Variants in RASSF2 observed in about 807,000 individuals in gnomAD.
RASSF2 encodes the protein ras association domain-containing protein 2.
RASSF2 carries 34 observed loss-of-function variants against 46.3 expected under a neutral mutation model. That is an observed-to-expected ratio of 0.73 (90% CI 0.56 to 0.98). RASSF2 has a LOEUF of 0.98. Ranked by LOEUF, RASSF2 falls within the 50% of genes least tolerant of loss-of-function variation. The pLI is 0.00. For synonymous variants in RASSF2, 158 were observed against 162.5 expected (o/e 0.97, Z 0.21); for missense variants, 364 against 431.2 (o/e 0.84, Z 1.38).
At position 4,783,983 on chromosome 20, in the gene RASSF2, G is replaced by GCACATGGACACGTACCATGTGTGCACA. The variant is rs1375330140; in HGVS notation, c.*263_*289dup. 1.1e-5 allele frequency: 4 copies of GCACATGGACACGTACCATGTGTGCACA among 352,926 alleles called. No individual in the cohort carries two copies. Among genetic ancestry groups the GCACATGGACACGTACCATGTGTGCACA allele is most frequent in the East Asian group, 4.6e-5 (1 of 21,898 alleles). The allele number at this position is 352,926 out of a possible 1,614,324, so 21.9% of individuals were successfully genotyped here. A position where few individuals can be genotyped will look rare whatever the true frequency, so the allele number is the denominator to read the frequency against. ...AATTACATGTGAAAGTATCAGGTAG[G>GCACATGGACACGTACCATGTGTGCACA]CACATGGACACGTACCATGTGTGCA... On this transcript the variant is annotated 3_prime_UTR_variant, in exon 12 of 12. Coordinates refer to ENST00000379400, the MANE Select transcript of RASSF2 (RefSeq NM_014737.3).
chr20:4,816,528 A>G (rs1281651996), intron 2 of RASSF2, among the ~76,000 whole-genome samples: 3 of 152,206 alleles, frequency 2.0e-5, no homozygotes, highest in Admixed American at 6.5e-5. Context: ...AGTTCTGGAC[A>G]TGGATAATGG....
chr20:4,813,278 AGGGCCATGCT>A (rs1257417770), intron 2 of RASSF2, among the ~76,000 whole-genome samples: 4 of 152,068 alleles, frequency 2.6e-5, no homozygotes, highest in Non-Finnish European at 5.9e-5. Context: ...AAACACAGCA[AGGGCCATGCT>A]GGGGTTTCTT....
rs1329141746 is a variant in RASSF2 at position 4,790,533 on chromosome 20, C to T, written c.455G>A (p.Arg152His). The T allele has an allele frequency of 1.0e-5, 16 of 1,530,876 alleles. No homozygotes were observed. Among genetic ancestry groups the T allele is most frequent in the East Asian group, 5.3e-5 (2 of 37,850 alleles). The allele number at this position is 1,530,876 out of a possible 1,614,324, so 94.8% of individuals were successfully genotyped here. Residue 152 changes from arginine (R) to histidine (H), a missense_variant, in exon 7 of 12, where the codon CGT becomes CAT. Arg to His is a conservative substitution (Grantham distance 29). Transcript: ENST00000379400. This position sits in a 1 kb window ranked among gnomAD's most constrained non-coding sequence, Gnocchi z 4.3. ...RTRSDVGVRR[R>H]GNVRTPSDQR... ...GTCACTAGGCGTCCTCACATTGCCACGGCGACGCACCCCAACATCACTGCG... is the reference window on the plus strand; with the variant it reads ...GTCACTAGGCGTCCTCACATTGCCATGGCGACGCACCCCAACATCACTGCG...
rs1053222585 is a variant in RASSF2, at chr20:4,790,437, C to G, written c.537+14G>C. ...AGAGGTCTTCCACCCTCCCCGTCCC[C>G]CTGTCCACCTTACCTTATGGTTGTA... On this transcript the variant is annotated intron_variant, in intron 7 of 11. Coordinates refer to ENST00000379400, the MANE Select transcript of RASSF2 (RefSeq NM_014737.3). This position sits in a 1 kb window ranked among gnomAD's most constrained non-coding sequence, Gnocchi z 4.3. 6.9e-7 allele frequency: 1 copy of G among 1,447,646 alleles called. No individual in the cohort carries two copies. Among genetic ancestry groups the G allele is most frequent in the Non-Finnish European group, 9.1e-7 (1 of 1,098,922 alleles). The allele number at this position is 1,447,646 out of a possible 1,614,324, so 89.7% of individuals were successfully genotyped here.
intron 2 of RASSF2, among the ~76,000 whole-genome samples, 188 bp from the exon 3 acceptor site, chr20:4,801,250 A>G (rs1471419690): frequency 6.6e-6 from 1 of 152,220 alleles, no homozygotes; most frequent in Non-Finnish European, 1.5e-5. Context: ...TCGGCTTGCC[A>G]CAGCCTCTGA....
At chr20:4,800,362 T>C (rs1467806840) in intron 3 of RASSF2, among the ~76,000 whole-genome samples, 1 of 152,182 alleles carries the variant, frequency 6.6e-6, no homozygotes, top group East Asian at 1.9e-4. Flanking sequence ...GAGTCCATTC[T>C]GGCTGCCGGA....
In RASSF2 at chr20:4,795,642, C is replaced by A; in HGVS notation, c.287+173G>T. On this transcript the variant is annotated intron_variant, in intron 5 of 11. Transcript: ENST00000379400. This position sits in a 1 kb window ranked among gnomAD's most constrained non-coding sequence, Gnocchi z 4.0. The stretch of plus-strand genomic sequence containing the variant: ...TGACAGGAAGGGGGCTCAATCACAA[C>A]CACATCTGCTGCTTGTTCCTCATTC... The A allele has an allele frequency of 1.4e-6, 1 of 706,406 alleles. No homozygotes were observed. Among genetic ancestry groups the A allele is most frequent in the Non-Finnish European group, 2.2e-6 (1 of 449,168 alleles). 43.8% of individuals were successfully genotyped at this position (706,406 alleles called of 1,614,324 possible).
rs781555372 is a variant in RASSF2 at position 4,792,788 on chromosome 20, G to A, written c.288-161C>T. 3.3e-5 allele frequency among the ~76,000 whole-genome samples: 5 copies of A among 152,182 alleles called. No individual in the cohort carries two copies. In the East Asian group the frequency reaches 5.8e-4, roughly 18 times the overall value. ...GTGATGAAGGGTGCAGATGGGCTGC[G>A]CGGAGCATCCCGTGAAAGGCTGGCC... On this transcript the variant is annotated intron_variant, in intron 5 of 11. Transcript: ENST00000379400.
At chr20:4,807,217 C>A (rs980079331) in intron 2 of RASSF2, among the ~76,000 whole-genome samples, 1 of 151,602 alleles carries the variant, frequency 6.6e-6, no homozygotes, top group Non-Finnish European at 1.5e-5. Context: ...GAAGTGAAAT[C>A]GCTAGCTTAC....
chr20:4,820,408 G>A lies in RASSF2; in HGVS notation c.-33+1921C>T, dbSNP rs573678315. ...TGCCTGGGGTCTCAGCTCCTCAAGA[G>A]GCTGAGGTGGGAGGATCGCTTGGGC... On this transcript the variant is annotated intron_variant, in intron 2 of 11. Coordinates refer to ENST00000379400, the MANE Select transcript of RASSF2 (RefSeq NM_014737.3). Among the ~76,000 whole-genome samples, 686 of 152,270 alleles carry A rather than the reference G, an allele frequency of 4.5e-3. 4 individuals carry two copies. The highest frequency in any genetic ancestry group is 0.027 in the Middle Eastern group (8 of 294).
chr20:4,796,084 T>A, intron 4 of RASSF2, 118 bp from the exon 5 acceptor site: 3 of 1,130,700 alleles, frequency 2.7e-6, no homozygotes, highest in Non-Finnish European at 3.5e-6. Flanking sequence ...CCAGACTGTA[T>A]TCACAGGATA....
rs1239520418 is a variant in RASSF2 at position 4,800,370 on chromosome 20, G to A, written c.59+602C>T. Among the ~76,000 whole-genome samples, 6 of 152,122 alleles carry A rather than the reference G, an allele frequency of 3.9e-5. No individual in the cohort carries two copies. In the East Asian group the frequency reaches 5.8e-4, roughly 15 times the overall value. On this transcript the variant is annotated intron_variant, in intron 3 of 11. Coordinates refer to ENST00000379400, the MANE Select transcript of RASSF2 (RefSeq NM_014737.3). ...AGTGTCTGAGTCCATTCTGGCTGCC[G>A]GACCATAGACTGGGTGGCTTCTAAA...
intron 2 of RASSF2, among the ~76,000 whole-genome samples, chr20:4,801,352 A>C (rs1926851294): frequency 6.6e-6 from 1 of 152,214 alleles, no homozygotes; most frequent in Non-Finnish European, 1.5e-5. Context: ...CATTGGTTCC[A>C]AGGATGACTG....
intron 2 of RASSF2, among the ~76,000 whole-genome samples, 166 bp downstream of exon 2, chr20:4,822,163 C>A (rs1433965380): frequency 6.6e-6 from 1 of 152,202 alleles, no homozygotes; most frequent in Non-Finnish European, 1.5e-5. Flanking sequence ...TGAAAGAAGG[C>A]CCCTGGCTCT....
At chr20:4,823,150 C>A (rs565329011) in intron 1 of RASSF2, among the ~76,000 whole-genome samples, 23 of 152,232 alleles carry the variant, frequency 1.5e-4, no homozygotes, top group South Asian at 4.1e-4. Flanking sequence ...AAGAGACAGG[C>A]GAGGATTACG....
Position 4,784,859 on chromosome 20 carries a change from G to A in RASSF2, c.912-517C>T, listed in dbSNP as rs559577858. Reference sequence around the variant, plus strand: ...GAAGAGGCCATAGCAGCTACTAGGCGTGGAGGTCCGTGGCTTGGGGGGAGT... The same window carrying A: ...GAAGAGGCCATAGCAGCTACTAGGCATGGAGGTCCGTGGCTTGGGGGGAGT... On this transcript the variant is annotated intron_variant, in intron 11 of 11. Transcript: ENST00000379400. 1.5e-3 allele frequency among the ~76,000 whole-genome samples: 228 copies of A among 152,302 alleles called. 2 individuals are homozygous for A. The highest frequency in any genetic ancestry group is 2.7e-3 in the East Asian group (14 of 5,182).
chr20:4,814,612 C>A (rs1034058092), intron 2 of RASSF2, among the ~76,000 whole-genome samples: 1 of 152,178 alleles, frequency 6.6e-6, no homozygotes. Context: ...GTGGGAAGAG[C>A]AAAGGAAGTG....
At chr20:4,800,848 C>G (rs1040157639) in intron 3 of RASSF2, 124 bp downstream of exon 3, 233 of 787,538 alleles carry the variant, frequency 3.0e-4, no homozygotes, top group Non-Finnish European at 4.3e-4. Context: ...CTCCTTCCCC[C>G]ATGCAGGAGC....
chr20:4,788,374 G>T, intron 8 of RASSF2, 106 bp from the exon 9 acceptor site: 3 of 993,224 alleles, frequency 3.0e-6, no homozygotes, highest in East Asian at 2.4e-5. Flanking sequence ...ATTTTAGGCT[G>T]TTTTGAGGGG....
Sources: allele counts gnomAD v4.1 joint callset (sites outside exome capture counted in the v4.1 genomes callset), GRCh38; gene constraint gnomAD v4.1.1; non-coding constraint Gnocchi (gnomAD v3.1); transcripts MANE v1.5; gene names NCBI Gene and HGNC (gene_info 2026-07-23, HGNC 2026-07-21).